KCNT2: variants seen among roughly 807,000 people sequenced by gnomAD.
KCNT2 encodes potassium channel subfamily T member 2.
KCNT2 carries 67 observed loss-of-function variants against 153.8 expected under a neutral mutation model. The ratio of observed to expected loss-of-function variants is 0.44; its 90% CI spans 0.36 to 0.53. The LOEUF (loss-of-function observed/expected upper bound fraction) is 0.53, where lower values mean the gene tolerates loss of function less well. Among genes scored for constraint, KCNT2 ranks in the 20% least tolerant of loss-of-function variants. KCNT2 has a pLI of 0.00. For synonymous variants in KCNT2, 500 were observed against 458.8 expected (o/e 1.09, Z -1.15); for missense variants, 975 against 1,354.8 (o/e 0.72, Z 4.40).
In KCNT2 at chr1:196,284,248, AATATAT is replaced by A. The variant is rs1553271463; in HGVS notation, c.2697+1403_2697+1408del. On this transcript the variant is annotated intron_variant, in intron 23 of 27. Coordinates refer to ENST00000294725, the MANE Select transcript of KCNT2 (RefSeq NM_198503.5). ...TCTGTCTTAAAAAAAAAAAAAAAAA[AATATAT>A]ATATATATATATATATATATATATA... Among the ~76,000 whole-genome samples, 16 of 10,048 alleles carry A rather than the reference AATATAT, an allele frequency of 1.6e-3. 1 individual carries two copies. The highest frequency in any genetic ancestry group is 0.018 in the East Asian group (2 of 110). The allele number at this position is 10,048 out of a possible 152,430, so 6.6% of individuals were successfully genotyped here. A position where few individuals can be genotyped will look rare whatever the true frequency, so the allele number is the denominator to read the frequency against.
At chr1:196,394,482 G>C (rs773973513) in intron 13 of KCNT2, among the ~76,000 whole-genome samples, 6 of 151,440 alleles carry the variant, frequency 4.0e-5, no homozygotes, top group Non-Finnish European at 8.9e-5. Flanking sequence ...ATGGTGCTGG[G>C]AATAATGGGT....
At chr1:196,421,709 G>C (rs1673218763) in intron 12 of KCNT2, among the ~76,000 whole-genome samples, 1 of 151,776 alleles carries the variant, frequency 6.6e-6, no homozygotes, top group Non-Finnish European at 1.5e-5. Context: ...AGTTTCCTAG[G>C]GCTGCCAAAC....
chr1:196,265,488 T>C (rs2147807217), intron 25 of KCNT2, among the ~76,000 whole-genome samples: 1 of 152,300 alleles, frequency 6.6e-6, no homozygotes, highest in South Asian at 2.1e-4. Flanking sequence ...GTGGTTGGTA[T>C]CCAGTAAGAA....
chr1:196,579,801 T>C (rs938213311), intron 1 of KCNT2, among the ~76,000 whole-genome samples: 1 of 151,448 alleles, frequency 6.6e-6, no homozygotes, highest in African/African-American at 2.4e-5. Flanking sequence ...CCCAGTTAAA[T>C]TTTTAAAAAG....
At chr1:196,326,367 A>G (rs1663855511) in intron 19 of KCNT2, among the ~76,000 whole-genome samples, 1 of 152,078 alleles carries the variant, frequency 6.6e-6, no homozygotes, top group African/African-American at 2.4e-5. Context: ...ACAAAAAAAA[A>G]ATTGTCCAGT....
intron 22 of KCNT2, among the ~76,000 whole-genome samples, chr1:196,290,864 C>A (rs1226701587): frequency 6.6e-6 from 1 of 151,980 alleles, no homozygotes; most frequent in Non-Finnish European, 1.5e-5. Context: ...ACAGAAATTT[C>A]ACATCAATTT....
chr1:196,431,356 A>C (rs1449440292), intron 8 of KCNT2, among the ~76,000 whole-genome samples: 1 of 152,114 alleles, frequency 6.6e-6, no homozygotes, highest in Non-Finnish European at 1.5e-5. Context: ...TTTAGGGTAC[A>C]TGCCAGAAAA....
At position 196,608,041 on chromosome 1, in the gene KCNT2, TTATA is replaced by T. The variant is rs569225902; in HGVS notation, c.95+170_95+173del. Among the ~76,000 whole-genome samples, 56 of 151,950 alleles carry T rather than the reference TTATA, an allele frequency of 3.7e-4. 1 individual carries two copies. Among genetic ancestry groups the T allele is most frequent in the Non-Finnish European group, 6.5e-4 (44 of 67,990 alleles). ...AAGAGTTCCTTATCTATAGCAACAG[TTATA>T]TAGAGTCAAAATGGAGAGACAAATC... is the stretch of plus-strand genomic sequence containing the variant. On this transcript the variant is annotated intron_variant, in intron 1 of 27. Coordinates refer to ENST00000294725, the MANE Select transcript of KCNT2 (RefSeq NM_198503.5).
intron 22 of KCNT2, among the ~76,000 whole-genome samples, chr1:196,298,988 T>C (rs1266048098): frequency 6.6e-6 from 1 of 151,942 alleles, no homozygotes; most frequent in East Asian, 1.9e-4. Flanking sequence ...CATGATTGTA[T>C]ATTGTGATTA....
chr1:196,439,287 C>T (rs878994209), intron 8 of KCNT2, among the ~76,000 whole-genome samples: 7 of 151,744 alleles, frequency 4.6e-5, no homozygotes, highest in East Asian at 3.9e-4. Context: ...CAGGTAAATA[C>T]GTGTTTAAAT....
At chr1:196,537,244 C>A (rs1466475826) in intron 1 of KCNT2, among the ~76,000 whole-genome samples, 1 of 152,200 alleles carries the variant, frequency 6.6e-6, no homozygotes, top group Non-Finnish European at 1.5e-5. Flanking sequence ...AACAAGACCA[C>A]AACATACGGT....
At chr1:196,399,290 C>T (rs780703153) in intron 12 of KCNT2, among the ~76,000 whole-genome samples, 8 of 151,550 alleles carry the variant, frequency 5.3e-5, no homozygotes, top group Non-Finnish European at 8.9e-5. Context: ...TTGAAAAAAT[C>T]AAGGAAGATT....
At chr1:196,518,814 G>T (rs572356510) in intron 1 of KCNT2, among the ~76,000 whole-genome samples, 1 of 152,134 alleles carries the variant, frequency 6.6e-6, no homozygotes, top group African/African-American at 2.4e-5. Context: ...AACCTACAAA[G>T]AAACTTAGAC....
intron 26 of KCNT2, among the ~76,000 whole-genome samples, chr1:196,244,573 T>G (rs989362126): frequency 5.3e-5 from 8 of 152,076 alleles, no homozygotes; most frequent in Non-Finnish European, 1.0e-4. Flanking sequence ...GTACCCAACA[T>G]TGGCCTGGAG....
intron 1 of KCNT2, among the ~76,000 whole-genome samples, chr1:196,497,208 G>T (rs909516720): frequency 1.3e-4 from 19 of 151,986 alleles, no homozygotes; most frequent in Non-Finnish European, 1.2e-4. Context: ...TATTTGGGAA[G>T]AACAAAAAAC....
intron 17 of KCNT2, among the ~76,000 whole-genome samples, chr1:196,332,635 G>A (rs927124281): frequency 6.6e-6 from 1 of 152,018 alleles, no homozygotes; most frequent in Non-Finnish European, 1.5e-5. Context: ...CCCGTAATAT[G>A]ACTAATAGTA....
chr1:196,387,970 T>G (rs1176617428), intron 13 of KCNT2, among the ~76,000 whole-genome samples: 2 of 151,368 alleles, frequency 1.3e-5, no homozygotes, highest in African/African-American at 4.8e-5. Flanking sequence ...TTTTCGTGTG[T>G]CTCAGCTAAG....
At chr1:196,397,479 G>C (rs1299925032) in intron 13 of KCNT2, among the ~76,000 whole-genome samples, 1 of 151,368 alleles carries the variant, frequency 6.6e-6, no homozygotes, top group Non-Finnish European at 1.5e-5. Flanking sequence ...AATAGTCTTA[G>C]AGAGGCCCTA....
intron 1 of KCNT2, among the ~76,000 whole-genome samples, chr1:196,563,182 C>T (rs1048929324): frequency 7.9e-5 from 12 of 152,014 alleles, no homozygotes; most frequent in South Asian, 2.1e-4. Context: ...CTTAGAAATA[C>T]GAAAGAAAGA....
Sources: gnomAD v4.1 joint callset for allele counts (sites outside exome capture counted in the v4.1 genomes callset) on GRCh38, gnomAD v4.1.1 for gene constraint, MANE v1.5 for transcripts, NCBI Gene and HGNC (gene_info 2026-07-23, HGNC 2026-07-21) for gene names.